Variants in CAMK4 observed in about 807,000 individuals in gnomAD.
CAMK4 encodes the protein calcium/calmodulin-dependent protein kinase type IV.
Under a neutral mutation model 44.9 loss-of-function variants are expected in CAMK4, and 22 were observed. The ratio of observed to expected loss-of-function variants is 0.49; its 90% confidence interval spans 0.35 to 0.70. The LOEUF (loss-of-function observed/expected upper bound fraction) is 0.70. Among genes scored for constraint, CAMK4 ranks in the 30% least tolerant of loss-of-function variants. The probability of loss-of-function intolerance (pLI) is 0.01; values close to 1 mark genes in which losing one functional copy is unlikely to be tolerated. For missense variants in CAMK4, 498 were observed against 586.8 expected (o/e 0.85, Z 1.56); for synonymous variants, 218 against 215.4 (o/e 1.01, Z -0.11).
At chr5:111,287,510 G>T (rs913673702) in intron 1 of CAMK4, among the ~76,000 whole-genome samples, 3 of 152,130 alleles carry the variant, frequency 2.0e-5, no homozygotes, top group Admixed American at 1.3e-4. Flanking sequence ...ATGATTTAAA[G>T]AATTATTTGA....
At chr5:111,352,123 A>G (rs1360515670) in intron 2 of CAMK4, among the ~76,000 whole-genome samples, 3 of 152,132 alleles carry the variant, frequency 2.0e-5, no homozygotes, top group Non-Finnish European at 4.4e-5. Context: ...TTAGGCTTCA[A>G]TGTGAATTTT....
chr5:111,374,107 C>A (rs1751118333), intron 2 of CAMK4, among the ~76,000 whole-genome samples: 1 of 152,066 alleles, frequency 6.6e-6, no homozygotes, highest in African/African-American at 2.4e-5. Flanking sequence ...AATGTAGTGG[C>A]TCATATAATT....
intron 1 of CAMK4, among the ~76,000 whole-genome samples, chr5:111,234,056 A>G (rs934626277): frequency 6.6e-6 from 1 of 152,222 alleles, no homozygotes; most frequent in Non-Finnish European, 1.5e-5. Context: ...CATATATACC[A>G]TTAATAGGTA....
chr5:111,249,948 A>C (rs939408617), intron 1 of CAMK4, among the ~76,000 whole-genome samples: 5 of 152,090 alleles, frequency 3.3e-5, no homozygotes, highest in African/African-American at 1.2e-4. Flanking sequence ...TACTGCCCTC[A>C]ATTCTCACAA....
chr5:111,330,065 G>A (rs1380467484), intron 1 of CAMK4, among the ~76,000 whole-genome samples: 1 of 148,000 alleles, frequency 6.8e-6, no homozygotes, highest in Admixed American at 6.9e-5. Context: ...TTTTTTGGTA[G>A]AAGTCCTCAG....
At chr5:111,230,814 T>C (rs949332191) in intron 1 of CAMK4, among the ~76,000 whole-genome samples, 25 of 150,918 alleles carry the variant, frequency 1.7e-4, no homozygotes, top group African/African-American at 6.1e-4. Flanking sequence ...TTTTTTCCTC[T>C]TTTTTTTTAA....
chr5:111,452,174 G>A (rs1480764962), intron 7 of CAMK4, among the ~76,000 whole-genome samples: 1 of 152,226 alleles, frequency 6.6e-6, no homozygotes, highest in African/African-American at 2.4e-5. Flanking sequence ...GGAGAGCAAA[G>A]TCATGGAGGA....
chr5:111,331,008 A>C (rs917135320), intron 1 of CAMK4, among the ~76,000 whole-genome samples: 1 of 151,832 alleles, frequency 6.6e-6, no homozygotes, highest in Admixed American at 6.6e-5. Context: ...AGTTAAAACT[A>C]GAAAACTACT....
At position 111,426,187 on chromosome 5, in the gene CAMK4, G is replaced by T. The variant is rs540477221; in HGVS notation, c.460-20499G>T. On this transcript the variant is annotated intron_variant, in intron 5 of 10. Transcript: ENST00000282356. ...CAGTATTGGAAAGGACTGACTTTGA[G>T]ATCTCACATAAGCAATGTTAATAAC... Among the ~76,000 whole-genome samples, 20 of 152,186 alleles carry T rather than the reference G, an allele frequency of 1.3e-4. No homozygotes were observed. In the East Asian group the frequency reaches 3.9e-3, roughly 29 times the overall value.
At chr5:111,432,606 T>A (rs1461623983) in intron 5 of CAMK4, among the ~76,000 whole-genome samples, 2 of 147,838 alleles carry the variant, frequency 1.4e-5, no homozygotes, top group Non-Finnish European at 3.0e-5. Context: ...CTCATGTACC[T>A]CATATATATG....
chr5:111,360,461 C>G (rs1396889638), intron 2 of CAMK4, among the ~76,000 whole-genome samples: 1 of 152,054 alleles, frequency 6.6e-6, no homozygotes, highest in Non-Finnish European at 1.5e-5. Flanking sequence ...CCAATAAATA[C>G]TGAACACACA....
chr5:111,441,573 T>C (rs1202943461), intron 5 of CAMK4, among the ~76,000 whole-genome samples: 2 of 152,222 alleles, frequency 1.3e-5, no homozygotes, highest in Non-Finnish European at 2.9e-5. Flanking sequence ...ATTAAATTGT[T>C]AGACTGACAT....
chr5:111,244,981 A>C lies in CAMK4; in HGVS notation c.161+20337A>C, dbSNP rs571456041. ...GAAAAGTGAACGTTTGAGCAGATGGATTGATGAATATATTGCTAGAATATT... is the reference window on the plus strand; with the variant it reads ...GAAAAGTGAACGTTTGAGCAGATGGCTTGATGAATATATTGCTAGAATATT... On this transcript the variant is annotated intron_variant, in intron 1 of 10. Transcript: ENST00000282356. Among the ~76,000 whole-genome samples the C allele has an allele frequency of 8.3e-4, 126 of 152,320 alleles. No individual in the cohort carries two copies. The Middle Eastern group carries it at 0.017, about 21-fold the overall frequency.
At chr5:111,282,211 T>C (rs898526389) in intron 1 of CAMK4, among the ~76,000 whole-genome samples, 1 of 152,244 alleles carries the variant, frequency 6.6e-6, no homozygotes, top group Non-Finnish European at 1.5e-5. Context: ...CTCTGATAGA[T>C]GCTTGATTCT....
chr5:111,328,594 C>T (rs915911643), intron 1 of CAMK4, among the ~76,000 whole-genome samples: 1 of 151,984 alleles, frequency 6.6e-6, no homozygotes, highest in Non-Finnish European at 1.5e-5. Context: ...CTATAAAATA[C>T]CTTGGGCAGT....
At chr5:111,425,375 G>T (rs1325327941) in intron 5 of CAMK4, among the ~76,000 whole-genome samples, 1 of 152,202 alleles carries the variant, frequency 6.6e-6, no homozygotes, top group African/African-American at 2.4e-5. Flanking sequence ...ACCTGGCACA[G>T]GTGGTGCCAG....
intron 1 of CAMK4, chr5:111,266,206 A>T (rs1284153339): frequency 1.5e-5 from 1 of 68,492 alleles, no homozygotes. Context: ...ACACACACAC[A>T]CACACACACA....
At chr5:111,235,019 T>A (rs1748651121) in intron 1 of CAMK4, among the ~76,000 whole-genome samples, 1 of 152,276 alleles carries the variant, frequency 6.6e-6, no homozygotes, top group Non-Finnish European at 1.5e-5. Context: ...ATTTGAATGA[T>A]GTCTCCCTAT....
intron 7 of CAMK4, among the ~76,000 whole-genome samples, chr5:111,471,822 C>T (rs1049756472): frequency 2.6e-5 from 4 of 152,154 alleles, no homozygotes; most frequent in Non-Finnish European, 2.9e-5. Flanking sequence ...CAGTGGAATG[C>T]CCACAGTATT....
Sources: allele counts gnomAD v4.1 joint callset (sites outside exome capture counted in the v4.1 genomes callset), GRCh38; gene constraint gnomAD v4.1.1; transcripts MANE v1.5; gene names NCBI Gene and HGNC (gene_info 2026-07-23, HGNC 2026-07-21).